The following FAM168A variants were observed in gnomAD, a reference collection of about 807,000 sequenced individuals.
FAM168A encodes the protein protein FAM168A.
In FAM168A, 3 loss-of-function variants were observed where a neutral mutation model predicts 28.5. The ratio of observed to expected loss-of-function variants is 0.11; its 90% confidence interval spans 0.05 to 0.27. The LOEUF is 0.27. FAM168A is among the 10% of genes least tolerant of loss of function. The pLI, the probability that FAM168A is intolerant of heterozygous loss-of-function variation, is 1.00. For missense variants in FAM168A, 222 were observed against 311.5 expected (o/e 0.71, Z 2.16); for synonymous variants, 122 against 124.2 (o/e 0.98, Z 0.12).
intron 1 of FAM168A, among the ~76,000 whole-genome samples, chr11:73,524,437 A>C (rs946543162): frequency 2.6e-4 from 40 of 152,000 alleles, no homozygotes; most frequent in African/African-American, 9.2e-4. Context: ...AAAGAAAATC[A>C]TTAAAAAAAT....
At chr11:73,496,796 G>A (rs1488874246) in intron 1 of FAM168A, among the ~76,000 whole-genome samples, 3 of 151,662 alleles carry the variant, frequency 2.0e-5, no homozygotes, top group Admixed American at 6.6e-5. Context: ...TCCTGACCTC[G>A]TGATCCACCC....
chr11:73,597,247 A>G (rs1944447811), intron 1 of FAM168A, among the ~76,000 whole-genome samples: 1 of 151,710 alleles, frequency 6.6e-6, no homozygotes, highest in Non-Finnish European at 1.5e-5. Context: ...AAACCCCCAA[A>G]TTGCACTCTT....
intron 5 of FAM168A, among the ~76,000 whole-genome samples, chr11:73,410,163 T>C (rs1304775052): frequency 6.6e-6 from 1 of 151,984 alleles, no homozygotes; most frequent in African/African-American, 2.4e-5. Flanking sequence ...TTCCAGCACT[T>C]TGGAGGCCAA....
At chr11:73,458,937 C>T (rs1307455379) in intron 2 of FAM168A, among the ~76,000 whole-genome samples, 1 of 152,146 alleles carries the variant, frequency 6.6e-6, no homozygotes, top group Non-Finnish European at 1.5e-5. Flanking sequence ...CCTCACAGTG[C>T]TTGTTGTAAG....
At chr11:73,440,983 GA>G (rs1435325223) in intron 2 of FAM168A, among the ~76,000 whole-genome samples, 1 of 150,976 alleles carries the variant, frequency 6.6e-6, no homozygotes, top group Non-Finnish European at 1.5e-5. Context: ...GGGAGAAACA[GA>G]AAGATGTTCA....
At chr11:73,510,908 C>T (rs116480911) in intron 1 of FAM168A, 2,921 of 268,226 alleles carry the variant, frequency 0.011, 56 homozygotes, top group African/African-American at 0.041. Context: ...AACCTCAAAG[C>T]GGGAATGGAA....
At chr11:73,510,479 G>C (rs1855199928) in intron 1 of FAM168A, among the ~76,000 whole-genome samples, 1 of 152,088 alleles carries the variant, frequency 6.6e-6, no homozygotes. Flanking sequence ...TATTAGGTTA[G>C]TGCAAAAGTA....
chr11:73,596,303 A>G (rs1335972800), intron 1 of FAM168A, among the ~76,000 whole-genome samples: 1 of 152,236 alleles, frequency 6.6e-6, no homozygotes, highest in Non-Finnish European at 1.5e-5. Flanking sequence ...AGGGGAAAAG[A>G]AAAGGCAGAG....
intron 1 of FAM168A, among the ~76,000 whole-genome samples, chr11:73,540,079 TTTC>T (rs1322423729): frequency 1.3e-5 from 2 of 152,208 alleles, no homozygotes; most frequent in Non-Finnish European, 2.9e-5. Context: ...TCTAAATCAT[TTTC>T]TTTTTTGTCC....
intron 1 of FAM168A, among the ~76,000 whole-genome samples, chr11:73,514,837 C>CCATT (rs1359739681): frequency 7.4e-6 from 1 of 135,622 alleles, no homozygotes; most frequent in Non-Finnish European, 1.5e-5. Context: ...TGCCATCCAT[C>CCATT]CATCCATCCA....
chr11:73,424,128 G>A (rs1204722360), intron 3 of FAM168A, among the ~76,000 whole-genome samples: 1 of 152,114 alleles, frequency 6.6e-6, no homozygotes, highest in Non-Finnish European at 1.5e-5. Flanking sequence ...TTTATCTATG[G>A]CCTGGAGACA....
At position 73,407,510 on chromosome 11, in the gene FAM168A, C is replaced by T. The variant is rs759591001; in HGVS notation, c.*18+3G>A. 6.4e-7 allele frequency: 1 copy of T among 1,550,410 alleles called. No homozygotes were observed. The highest frequency in any genetic ancestry group is 1.2e-5 in the South Asian group (1 of 81,938). On this transcript the variant is annotated splice_donor_region_variant and intron_variant, in intron 7 of 7. Transcript: ENST00000356467. Reference sequence around the variant, plus strand: ...CCACTTCTCTCACCCTGGCCACACTCACTTGGATGGGCTGCAGGCTTTACC... The same window carrying T: ...CCACTTCTCTCACCCTGGCCACACTTACTTGGATGGGCTGCAGGCTTTACC...
chr11:73,590,637 T>G (rs1944370250), intron 1 of FAM168A, among the ~76,000 whole-genome samples: 1 of 152,252 alleles, frequency 6.6e-6, no homozygotes, highest in African/African-American at 2.4e-5. Context: ...TTATACATTT[T>G]GTGCATTTTT....
intron 1 of FAM168A, among the ~76,000 whole-genome samples, chr11:73,500,492 A>C (rs1429907471): frequency 6.6e-6 from 1 of 152,002 alleles, no homozygotes; most frequent in Non-Finnish European, 1.5e-5. Context: ...ACTCCTGACC[A>C]CATGATCCAC....
intron 1 of FAM168A, among the ~76,000 whole-genome samples, chr11:73,501,520 C>T (rs368767774): frequency 6.6e-6 from 1 of 152,166 alleles, no homozygotes; most frequent in African/African-American, 2.4e-5. Context: ...TCAAATAGAA[C>T]TTAGGATTAA....
chr11:73,562,536 T>C (rs990257124), intron 1 of FAM168A, among the ~76,000 whole-genome samples: 2 of 152,130 alleles, frequency 1.3e-5, no homozygotes, highest in African/African-American at 4.8e-5. Context: ...CAATAAAGAA[T>C]AGAAGGTTGG....
intron 1 of FAM168A, among the ~76,000 whole-genome samples, chr11:73,561,966 T>A (rs1419743294): frequency 6.6e-6 from 1 of 151,812 alleles, no homozygotes; most frequent in African/African-American, 2.4e-5. Context: ...TTCCAAAGAC[T>A]GAGTCTCACT....
intron 2 of FAM168A, among the ~76,000 whole-genome samples, chr11:73,463,117 C>T (rs181910334): frequency 1.5e-4 from 23 of 151,760 alleles, no homozygotes; most frequent in African/African-American, 4.3e-4. Context: ...TACAGGTGTG[C>T]GCCACCACAT....
At chr11:73,550,046 A>G (rs1198954250) in intron 1 of FAM168A, among the ~76,000 whole-genome samples, 3 of 152,262 alleles carry the variant, frequency 2.0e-5, no homozygotes, top group Admixed American at 6.5e-5. Context: ...ACTTTTTATC[A>G]TATCGTTTCA....
Sources: gnomAD v4.1 joint callset for allele counts (sites outside exome capture counted in the v4.1 genomes callset) on GRCh38, gnomAD v4.1.1 for gene constraint, MANE v1.5 for transcripts, NCBI Gene and HGNC (gene_info 2026-07-23, HGNC 2026-07-21) for gene names.